Variants in NKAIN2 observed in about 807,000 individuals in gnomAD.
NKAIN2 encodes the protein sodium/potassium transporting ATPase interacting 2, also known as sodium/potassium-transporting ATPase subunit beta-1-interacting protein 2.
A neutral mutation model predicts 32.6 loss-of-function variants in NKAIN2; 14 were observed. That is an observed-to-expected ratio of 0.43 (90% CI 0.28 to 0.67). NKAIN2 has a LOEUF of 0.67. Ranked by LOEUF, NKAIN2 falls within the 30% of genes least tolerant of loss-of-function variation. The probability of loss-of-function intolerance (pLI) is 0.17; values close to 1 mark genes in which losing one functional copy is unlikely to be tolerated. For missense variants in NKAIN2, 198 were observed against 258.3 expected, an observed-to-expected ratio of 0.77 and a Z score of 1.60; for synonymous variants, 80 against 87.2, an observed-to-expected ratio of 0.92 and a Z score of 0.46.
chr6:124,083,880 ATTC>A (rs1305086997), intron 1 of NKAIN2, among the ~76,000 whole-genome samples: 1 of 151,996 alleles, frequency 6.6e-6, no homozygotes, highest in Non-Finnish European at 1.5e-5. Flanking sequence ...GGAATTGCAA[ATTC>A]CAGCATGGAT....
At chr6:124,419,679 G>T (rs533097027) in intron 3 of NKAIN2, among the ~76,000 whole-genome samples, 51 of 152,196 alleles carry the variant, frequency 3.4e-4, no homozygotes, top group Non-Finnish European at 6.3e-4. Context: ...GAAGACATAA[G>T]ATAATATTTT....
intron 5 of NKAIN2, among the ~76,000 whole-genome samples, chr6:124,801,267 C>T (rs983116464): frequency 6.6e-6 from 1 of 152,062 alleles, no homozygotes; most frequent in African/African-American, 2.4e-5. Flanking sequence ...ATTCATTATG[C>T]CTTTGTGGAT....
chr6:124,506,154 C>T (rs1158142611), intron 3 of NKAIN2, among the ~76,000 whole-genome samples: 4 of 150,868 alleles, frequency 2.7e-5, no homozygotes, highest in African/African-American at 9.8e-5. Context: ...GCACTCCAGC[C>T]TCGGGGACAG....
intron 1 of NKAIN2, among the ~76,000 whole-genome samples, chr6:123,809,731 A>T (rs1175123322): frequency 6.6e-6 from 1 of 152,086 alleles, no homozygotes; most frequent in Non-Finnish European, 1.5e-5. Flanking sequence ...TCTTTCCTTG[A>T]ATTATAAAAC....
chr6:124,643,189 G>T (rs1005072204), intron 3 of NKAIN2, among the ~76,000 whole-genome samples: 5 of 152,092 alleles, frequency 3.3e-5, no homozygotes, highest in Admixed American at 3.3e-4. Flanking sequence ...CTTTCAATAA[G>T]CAGGATTTAT....
At chr6:124,307,978 A>AG (rs1280065677) in intron 2 of NKAIN2, among the ~76,000 whole-genome samples, 1 of 152,062 alleles carries the variant, frequency 6.6e-6, no homozygotes, top group Non-Finnish European at 1.5e-5. Flanking sequence ...TTTAAAAAAA[A>AG]TTTTTTTTAT....
In NKAIN2 at chr6:124,823,440, T is replaced by G; in HGVS notation, c.*211T>G. On this transcript the variant is annotated 3_prime_UTR_variant, in exon 7 of 7. Transcript: ENST00000368417. ...CCAATTCCACTTGACCTCCTCTTTC[T>G]AACTGAAACAGACAAATATGCAGGA... 1.9e-6 allele frequency: 1 copy of G among 522,230 alleles called. No homozygotes were observed. The highest frequency in any genetic ancestry group is 3.1e-5 in the South Asian group (1 of 32,396). 32.3% of individuals were successfully genotyped at this position (522,230 alleles called of 1,614,324 possible). A position where few individuals can be genotyped will look rare whatever the true frequency, so the allele number is the denominator to read the frequency against.
chr6:124,360,272 T>C (rs1017120626), intron 3 of NKAIN2, among the ~76,000 whole-genome samples: 4 of 152,196 alleles, frequency 2.6e-5, no homozygotes, highest in African/African-American at 7.2e-5. Flanking sequence ...GGTATCAGGA[T>C]GATGCTGGCC....
rs149776506 is a variant in NKAIN2, at chr6:123,888,405, A to C, written c.54+84151A>C. On this transcript the variant is annotated intron_variant, in intron 1 of 6. Transcript: ENST00000368417. ...TTGATGGTTTTTAAAATGCACTTTT[A>C]GATAACAAAGGTAACATTTTAAGTC... 4.9e-3 allele frequency among the ~76,000 whole-genome samples: 745 copies of C among 152,268 alleles called. 3 individuals are homozygous for C. In the Middle Eastern group the frequency reaches 0.058, roughly 12 times the overall value.
intron 1 of NKAIN2, among the ~76,000 whole-genome samples, chr6:124,210,856 T>A (rs1335420349): frequency 6.6e-6 from 1 of 151,908 alleles, no homozygotes; most frequent in Non-Finnish European, 1.5e-5. Context: ...TCTTTAGGTT[T>A]GTCTAAATAT....
At chr6:124,054,995 A>G (rs1408649027) in intron 1 of NKAIN2, among the ~76,000 whole-genome samples, 2 of 152,084 alleles carry the variant, frequency 1.3e-5, no homozygotes, top group East Asian at 1.9e-4. Context: ...TTAATTTCCT[A>G]TTGGATATGT....
intron 1 of NKAIN2, among the ~76,000 whole-genome samples, chr6:124,146,641 G>T (rs1334686130): frequency 6.6e-6 from 1 of 152,142 alleles, no homozygotes; most frequent in East Asian, 1.9e-4. Flanking sequence ...TGAATAACCT[G>T]TGTTATATTC....
intron 3 of NKAIN2, among the ~76,000 whole-genome samples, chr6:124,494,982 A>G (rs1778009099): frequency 1.3e-5 from 2 of 152,288 alleles, no homozygotes; most frequent in South Asian, 4.1e-4. Context: ...TATAATTGCA[A>G]TAGAATTAAT....
At chr6:124,808,171 G>C (rs1293812666) in intron 5 of NKAIN2, among the ~76,000 whole-genome samples, 3 of 151,884 alleles carry the variant, frequency 2.0e-5, no homozygotes, top group South Asian at 4.2e-4. Flanking sequence ...GCCAGGCAGA[G>C]ACACAACCAA....
intron 1 of NKAIN2, among the ~76,000 whole-genome samples, chr6:123,869,420 A>G (rs1490361): frequency 0.64 from 97,100 of 151,968 alleles, 31,202 homozygotes; most frequent in Admixed American, 0.71. Flanking sequence ...TACTCCCTTC[A>G]AGAGCTCTCA....
chr6:124,234,930 T>C (rs1403921616), intron 1 of NKAIN2, among the ~76,000 whole-genome samples: 2 of 152,146 alleles, frequency 1.3e-5, no homozygotes, highest in African/African-American at 4.8e-5. Context: ...GTTCCCCTAG[T>C]AGTGCCAATT....
intron 3 of NKAIN2, among the ~76,000 whole-genome samples, chr6:124,433,619 C>T (rs1012029778): frequency 6.6e-6 from 1 of 152,180 alleles, no homozygotes; most frequent in Non-Finnish European, 1.5e-5. Flanking sequence ...CATTTCCCAT[C>T]AGCTCCTATC....
intron 3 of NKAIN2, among the ~76,000 whole-genome samples, chr6:124,644,853 A>G (rs533694829): frequency 3.9e-4 from 59 of 152,348 alleles, no homozygotes; most frequent in African/African-American, 1.4e-3. Context: ...AATTCCTGTT[A>G]TATTTAAAAG....
chr6:124,649,915 T>A (rs781481), intron 3 of NKAIN2, among the ~76,000 whole-genome samples: 79,566 of 151,926 alleles, frequency 0.52, 21,507 homozygotes, highest in Middle Eastern at 0.61. Flanking sequence ...TCAGTAGATG[T>A]ATAAAAAGCA....
Sources: allele counts gnomAD v4.1 joint callset (sites outside exome capture counted in the v4.1 genomes callset), GRCh38; gene constraint gnomAD v4.1.1; transcripts MANE v1.5; gene names NCBI Gene and HGNC (gene_info 2026-07-23, HGNC 2026-07-21).